CLSTN2: variants seen among roughly 807,000 people sequenced by gnomAD.
CLSTN2 encodes calsyntenin 2.
CLSTN2 carries 48 observed loss-of-function variants against 101.2 expected under a neutral mutation model. The ratio of observed to expected loss-of-function variants is 0.47; its 90% CI spans 0.38 to 0.60. The LOEUF (loss-of-function observed/expected upper bound fraction) is 0.60, where lower values mean the gene tolerates loss of function less well. CLSTN2 is among the 20% of genes least tolerant of loss of function. CLSTN2 has a pLI of 0.00. For missense variants in CLSTN2, 1,160 were observed against 1,238.2 expected (o/e 0.94, Z 0.95); for synonymous variants, 481 against 463.6 (o/e 1.04, Z -0.48).
chr3:140,211,531 C>CTGTGTGTGTGTGTG (rs60408720), intron 2 of CLSTN2, among the ~76,000 whole-genome samples: 1 of 142,490 alleles, frequency 7.0e-6, no homozygotes, highest in East Asian at 2.2e-4. Flanking sequence ...GGATCAAAAT[C>CTGTGTGTGTGTGTG]TGTGTGTGTG....
At chr3:140,011,662 C>A (rs145763728) in intron 1 of CLSTN2, among the ~76,000 whole-genome samples, 7 of 152,294 alleles carry the variant, frequency 4.6e-5, no homozygotes, top group African/African-American at 1.7e-4. Flanking sequence ...CACCTCAGGG[C>A]TCTTTGGTTC....
intron 1 of CLSTN2, among the ~76,000 whole-genome samples, chr3:140,077,692 A>G (rs1047707167): frequency 1.4e-5 from 2 of 139,170 alleles, no homozygotes; most frequent in Admixed American, 7.0e-5. Flanking sequence ...AGAGGGGAGG[A>G]AAAAAAAAAA....
chr3:140,319,483 A>G (rs1177733410), intron 2 of CLSTN2, among the ~76,000 whole-genome samples: 1 of 152,160 alleles, frequency 6.6e-6, no homozygotes, highest in Non-Finnish European at 1.5e-5. Context: ...GGTCATGAAA[A>G]TCTTTCAATT....
intron 2 of CLSTN2, among the ~76,000 whole-genome samples, chr3:140,183,546 A>G (rs1408936079): frequency 6.6e-6 from 1 of 152,240 alleles, no homozygotes; most frequent in Non-Finnish European, 1.5e-5. Context: ...AATGAAATCA[A>G]TAGTAATAGC....
chr3:140,155,488 G>A (rs532752108), intron 1 of CLSTN2, among the ~76,000 whole-genome samples: 6 of 152,270 alleles, frequency 3.9e-5, no homozygotes, highest in South Asian at 2.1e-4. Context: ...AGTCAGAGGC[G>A]AGGAGTTTCC....
chr3:140,372,523 T>G (rs2087870197), intron 2 of CLSTN2, among the ~76,000 whole-genome samples: 1 of 152,100 alleles, frequency 6.6e-6, no homozygotes, highest in Non-Finnish European at 1.5e-5. Flanking sequence ...GGCGATGTGG[T>G]GTTGCCAGCT....
intron 1 of CLSTN2, among the ~76,000 whole-genome samples, chr3:140,170,641 T>C (rs925912776): frequency 6.6e-6 from 1 of 152,168 alleles, no homozygotes; most frequent in Non-Finnish European, 1.5e-5. Context: ...GACCTGTACA[T>C]AGAAGGAAGT....
chr3:140,124,594 T>C (rs1038312281), intron 1 of CLSTN2, among the ~76,000 whole-genome samples: 1 of 152,084 alleles, frequency 6.6e-6, no homozygotes, highest in Admixed American at 6.6e-5. Context: ...CCTGATGAAC[T>C]GAATGGATAG....
intron 1 of CLSTN2, among the ~76,000 whole-genome samples, chr3:140,125,140 G>A (rs2009408546): frequency 6.6e-6 from 1 of 152,148 alleles, no homozygotes; most frequent in Admixed American, 6.5e-5. Context: ...AGTGGGTTGA[G>A]GGAGGATAGG....
chr3:140,096,446 C>T (rs1210364194), intron 1 of CLSTN2, among the ~76,000 whole-genome samples: 1 of 152,186 alleles, frequency 6.6e-6, no homozygotes, highest in Non-Finnish European at 1.5e-5. Context: ...AGGGATGAAG[C>T]TCTGTTGGTA....
chr3:140,413,163 C>T (rs1217798771), intron 4 of CLSTN2, among the ~76,000 whole-genome samples: 2 of 151,576 alleles, frequency 1.3e-5, no homozygotes, highest in Admixed American at 6.6e-5. Flanking sequence ...AAGAAAAAAA[C>T]AGAGACAAGA....
At chr3:140,271,634 A>T (rs1553727110) in intron 2 of CLSTN2, among the ~76,000 whole-genome samples, 1 of 151,496 alleles carries the variant, frequency 6.6e-6, no homozygotes, top group Non-Finnish European at 1.5e-5. Context: ...ATTCAGAAGG[A>T]CCCCCCTCTT....
At chr3:140,213,232 A>ATG (rs1222698341) in intron 2 of CLSTN2, among the ~76,000 whole-genome samples, 2 of 151,958 alleles carry the variant, frequency 1.3e-5, no homozygotes, top group East Asian at 3.9e-4. Flanking sequence ...TTTTTGTAAC[A>ATG]TGTGTGTGTG....
chr3:140,199,223 T>G (rs1156277246), intron 2 of CLSTN2, among the ~76,000 whole-genome samples: 1 of 152,190 alleles, frequency 6.6e-6, no homozygotes, highest in Non-Finnish European at 1.5e-5. Flanking sequence ...GAACACTGGC[T>G]GATGAGGGTG....
chr3:140,277,019 G>T lies in CLSTN2; in HGVS notation c.232+100946G>T, dbSNP rs2086801405. Among the ~76,000 whole-genome samples, 3 of 152,296 alleles carry T rather than the reference G, an allele frequency of 2.0e-5. 1 individual carries two copies. Among genetic ancestry groups the T allele is most frequent in the Middle Eastern group, 3.4e-3 (1 of 294 alleles). On this transcript the variant is annotated intron_variant, in intron 2 of 16. Coordinates refer to ENST00000458420, the MANE Select transcript of CLSTN2 (RefSeq NM_022131.3). Reference sequence around the variant, plus strand: ...TGAGGCCAGCAGAATCAGTGTGCAAGCAGGATTAGAGTAGTCTGAGGGGGC... The same window carrying T: ...TGAGGCCAGCAGAATCAGTGTGCAATCAGGATTAGAGTAGTCTGAGGGGGC...
chr3:139,935,810 G>A lies in CLSTN2; in HGVS notation c.109+327G>A, dbSNP rs1935009887. On this transcript the variant is annotated intron_variant, in intron 1 of 16. Coordinates refer to ENST00000458420, the MANE Select transcript of CLSTN2 (RefSeq NM_022131.3). This position sits in a 1 kb window ranked among gnomAD's most constrained non-coding sequence, Gnocchi z 5.5. Reference sequence around the variant, plus strand: ...TCGAGCTCTGGCCCAGGGACGGCTAGAGCAGGGCGCTGGCGCGCCGTGGGG... The same window carrying A: ...TCGAGCTCTGGCCCAGGGACGGCTAAAGCAGGGCGCTGGCGCGCCGTGGGG... Among the ~76,000 whole-genome samples the A allele has an allele frequency of 6.6e-6, 1 of 152,160 alleles. No individual in the cohort carries two copies. Among genetic ancestry groups the A allele is most frequent in the South Asian group, 2.1e-4 (1 of 4,830 alleles).
At chr3:140,229,525 G>C (rs1053668449) in intron 2 of CLSTN2, among the ~76,000 whole-genome samples, 2 of 151,604 alleles carry the variant, frequency 1.3e-5, no homozygotes, top group Non-Finnish European at 2.9e-5. Context: ...AGGGCTCTGG[G>C]CCTCAGATCT....
chr3:140,562,052 C>A, intron 12 of CLSTN2, 86 bp from the exon 13 acceptor site: 2 of 1,236,220 alleles, frequency 1.6e-6, no homozygotes, highest in East Asian at 2.3e-5. Context: ...ACCTGGGGTG[C>A]AATAACAGAG....
In CLSTN2 at chr3:140,558,624, G is replaced by A. The variant is rs749098713; in HGVS notation, c.1824-16G>A. 198 of 1,605,146 alleles carry A rather than the reference G, an allele frequency of 1.2e-4. No individual in the cohort carries two copies. Among genetic ancestry groups the A allele is most frequent in the Admixed American group, 1.7e-4 (10 of 59,922 alleles). Reference sequence around the variant, plus strand: ...TTGTTTGCTCATCAGTGCCATGACCGAGAATGTTTTCCCAGGTGCTTTGGG... The same window carrying A: ...TTGTTTGCTCATCAGTGCCATGACCAAGAATGTTTTCCCAGGTGCTTTGGG... On this transcript the variant is annotated splice_polypyrimidine_tract_variant and intron_variant, in intron 11 of 16. Coordinates refer to ENST00000458420, the MANE Select transcript of CLSTN2 (RefSeq NM_022131.3).
Sources: gnomAD v4.1 joint callset for allele counts (sites outside exome capture counted in the v4.1 genomes callset) on GRCh38, gnomAD v4.1.1 for gene constraint, Gnocchi (gnomAD v3.1) non-coding constraint, MANE v1.5 for transcripts, NCBI Gene and HGNC (gene_info 2026-07-23, HGNC 2026-07-21) for gene names.